EXOC4: variants seen among roughly 807,000 people sequenced by gnomAD.
EXOC4 encodes SEC8-like 1.
In EXOC4, 71 loss-of-function variants were observed where a neutral mutation model predicts 107.2. That is an observed-to-expected ratio of 0.66 (90% CI 0.55 to 0.81). The LOEUF is 0.81. Ranked by LOEUF, EXOC4 falls within the 30% of genes least tolerant of loss-of-function variation. The pLI, the probability that EXOC4 is intolerant of heterozygous loss-of-function variation, is 0.00. For synonymous variants in EXOC4, 456 were observed against 441.2 expected, an observed-to-expected ratio of 1.03 and a Z score of -0.42; for missense variants, 1,108 against 1,189.6, an observed-to-expected ratio of 0.93 and a Z score of 1.01.
At chr7:133,325,538 C>T (rs1284241284) in intron 5 of EXOC4, among the ~76,000 whole-genome samples, 2 of 152,082 alleles carry the variant, frequency 1.3e-5, no homozygotes, top group Admixed American at 1.3e-4. Flanking sequence ...GTATATTGGC[C>T]CCCACTCTCT....
At chr7:133,466,692 C>A (rs937241584) in intron 7 of EXOC4, among the ~76,000 whole-genome samples, 18 of 152,222 alleles carry the variant, frequency 1.2e-4, no homozygotes, top group East Asian at 1.2e-3. Flanking sequence ...GCCAGTATTA[C>A]CCTGATAACA....
chr7:134,053,913 A>G (rs1438246748), intron 17 of EXOC4, among the ~76,000 whole-genome samples: 4 of 151,102 alleles, frequency 2.6e-5, no homozygotes, highest in African/African-American at 7.3e-5. Context: ...TCCTTGCTCT[A>G]TAGCTGGTAC....
At chr7:133,659,541 A>G (rs761364760) in intron 10 of EXOC4, among the ~76,000 whole-genome samples, 1 of 152,154 alleles carries the variant, frequency 6.6e-6, no homozygotes, top group African/African-American at 2.4e-5. Context: ...ATACTTTTGC[A>G]GTGTTTGTCA....
At chr7:133,446,693 T>C (rs1798228363) in intron 7 of EXOC4, among the ~76,000 whole-genome samples, 1 of 152,238 alleles carries the variant, frequency 6.6e-6, no homozygotes, top group Admixed American at 6.5e-5. Context: ...TTTAATGTTT[T>C]ATAAAGTATC....
chr7:133,853,960 A>G (rs1300933963), intron 11 of EXOC4, among the ~76,000 whole-genome samples: 3 of 152,108 alleles, frequency 2.0e-5, no homozygotes, highest in African/African-American at 7.2e-5. Flanking sequence ...TATAGTCCCT[A>G]GGGGGCGGGG....
chr7:133,281,073 C>G (rs138792004), intron 2 of EXOC4, among the ~76,000 whole-genome samples: 56 of 152,144 alleles, frequency 3.7e-4, no homozygotes, highest in African/African-American at 1.0e-3. Context: ...AGGGGAGCCT[C>G]TCAGAATTTC....
intron 8 of EXOC4, chr7:133,479,812 T>G (rs1799109757): frequency 4.0e-6 from 2 of 506,126 alleles, no homozygotes; most frequent in African/African-American, 3.8e-5. Flanking sequence ...CCAGTTGAAA[T>G]GCAGAATAAG....
At chr7:133,517,036 A>G (rs1799890212) in intron 9 of EXOC4, among the ~76,000 whole-genome samples, 1 of 152,058 alleles carries the variant, frequency 6.6e-6, no homozygotes, top group East Asian at 1.9e-4. Context: ...CCATAACCAT[A>G]ATGAGATTGA....
intron 7 of EXOC4, among the ~76,000 whole-genome samples, chr7:133,393,128 T>C (rs1796890083): frequency 6.6e-6 from 1 of 152,174 alleles, no homozygotes; most frequent in African/African-American, 2.4e-5. Context: ...TATGCTCCAG[T>C]CCTCTGTCTT....
intron 14 of EXOC4, among the ~76,000 whole-genome samples, chr7:133,979,309 T>C (rs1793916725): frequency 6.6e-6 from 1 of 152,124 alleles, no homozygotes; most frequent in Non-Finnish European, 1.5e-5. Context: ...TAATCACACT[T>C]GAGTGTGATT....
chr7:133,547,325 C>T (rs913396368), intron 9 of EXOC4, among the ~76,000 whole-genome samples: 1 of 152,176 alleles, frequency 6.6e-6, no homozygotes, highest in African/African-American at 2.4e-5. Flanking sequence ...TGATGATCAT[C>T]TGAGCCTTCA....
intron 2 of EXOC4, among the ~76,000 whole-genome samples, chr7:133,283,359 G>A (rs1794202667): frequency 6.6e-6 from 1 of 152,190 alleles, no homozygotes; most frequent in Non-Finnish European, 1.5e-5. Flanking sequence ...ACAGGTGTGA[G>A]CCACCATGCC....
intron 7 of EXOC4, among the ~76,000 whole-genome samples, chr7:133,461,018 A>G (rs1421016886): frequency 6.6e-6 from 1 of 152,184 alleles, no homozygotes; most frequent in Non-Finnish European, 1.5e-5. Context: ...AATTTAAAAG[A>G]TAACTTTAGA....
chr7:133,627,644 G>A (rs145755464), intron 9 of EXOC4, among the ~76,000 whole-genome samples: 44 of 152,138 alleles, frequency 2.9e-4, no homozygotes, highest in African/African-American at 8.9e-4. Context: ...TTTTGTAACC[G>A]TACCATATGA....
chr7:133,763,051 A>T (rs907684570), intron 10 of EXOC4, among the ~76,000 whole-genome samples: 2 of 152,178 alleles, frequency 1.3e-5, no homozygotes, highest in African/African-American at 4.8e-5. Flanking sequence ...CATGCACATA[A>T]TGCGTTTCTA....
intron 17 of EXOC4, among the ~76,000 whole-genome samples, chr7:134,048,724 A>G (rs1397387290): frequency 1.3e-5 from 2 of 152,092 alleles, no homozygotes; most frequent in Admixed American, 1.3e-4. Flanking sequence ...CCTGAAGGAG[A>G]CATACTAGAG....
At chr7:133,743,420 A>G (rs1036770073) in intron 10 of EXOC4, among the ~76,000 whole-genome samples, 1 of 152,202 alleles carries the variant, frequency 6.6e-6, no homozygotes, top group African/African-American at 2.4e-5. Context: ...GCATGATGGC[A>G]TGGGAAGAAT....
At chr7:133,431,134 A>G (rs1797846757) in intron 7 of EXOC4, among the ~76,000 whole-genome samples, 1 of 152,176 alleles carries the variant, frequency 6.6e-6, no homozygotes, top group African/African-American at 2.4e-5. Context: ...TCTGGTCCTG[A>G]TTTCCTTGCC....
At chr7:133,534,130 C>T (rs1800231385) in intron 9 of EXOC4, among the ~76,000 whole-genome samples, 1 of 152,128 alleles carries the variant, frequency 6.6e-6, no homozygotes, top group African/African-American at 2.4e-5. Context: ...AAACCGTAGC[C>T]TCTGCCTTTT....
Sources: gnomAD v4.1 joint callset for allele counts (sites outside exome capture counted in the v4.1 genomes callset) on GRCh38, gnomAD v4.1.1 for gene constraint, MANE v1.5 for transcripts, NCBI Gene and HGNC (gene_info 2026-07-23, HGNC 2026-07-21) for gene names.